The following PPARGC1A variants were observed in gnomAD, a reference collection of about 807,000 sequenced individuals.
The protein encoded by PPARGC1A is peroxisome proliferator-activated receptor gamma coactivator 1-alpha.
PPARGC1A carries 25 observed loss-of-function variants against 88.7 expected under a neutral mutation model. The ratio of observed to expected loss-of-function variants is 0.28; its 90% CI spans 0.21 to 0.39. PPARGC1A has a LOEUF of 0.39. Ranked by LOEUF, PPARGC1A falls within the 10% of genes least tolerant of loss-of-function variation. PPARGC1A has a pLI of 1.00. For synonymous variants in PPARGC1A, 363 were observed against 355.6 expected (o/e 1.02, Z -0.24); for missense variants, 880 against 968.7 (o/e 0.91, Z 1.22).
the PPARGC1A span, among the ~76,000 whole-genome samples, chr4:23,958,866 A>G: frequency 2.0e-5 from 3 of 152,138 alleles, no homozygotes; most frequent in Non-Finnish European, 4.4e-5. Flanking sequence ...ATAGAATACT[A>G]TTTGCCTTAG....
At chr4:24,222,575 C>T in the PPARGC1A span, among the ~76,000 whole-genome samples, 1 of 152,184 alleles carries the variant, frequency 6.6e-6, no homozygotes, top group Non-Finnish European at 1.5e-5. Context: ...CTTTCATATT[C>T]TATAAGCAGC....
chr4:24,069,559 A>G, the PPARGC1A span, among the ~76,000 whole-genome samples: 1 of 152,132 alleles, frequency 6.6e-6, no homozygotes, highest in South Asian at 2.1e-4. Flanking sequence ...TGATTTTTCC[A>G]ACAACACTGC....
At chr4:24,203,569 TAGAAAAAGAA>T in the PPARGC1A span, among the ~76,000 whole-genome samples, 6 of 151,296 alleles carry the variant, frequency 4.0e-5, no homozygotes, top group Non-Finnish European at 7.4e-5. Context: ...AGATGAGAGA[TAGAAAAAGAA>T]AGAGAAAATA....
chr4:24,212,633 T>C, the PPARGC1A span, among the ~76,000 whole-genome samples: 60 of 152,334 alleles, frequency 3.9e-4, no homozygotes, highest in Non-Finnish European at 6.6e-4. Flanking sequence ...CTTATGGTGA[T>C]AATTGGGCAA....
At chr4:24,465,778 T>C in the PPARGC1A span, among the ~76,000 whole-genome samples, 5 of 152,296 alleles carry the variant, frequency 3.3e-5, no homozygotes, top group African/African-American at 1.2e-4. Context: ...AGGCATTAGT[T>C]CATGATGGAC....
At chr4:23,924,078 G>A in the PPARGC1A span, among the ~76,000 whole-genome samples, 1 of 152,156 alleles carries the variant, frequency 6.6e-6, no homozygotes. Context: ...AATGATACCA[G>A]GCCATGCTGA....
intron 2 of PPARGC1A, among the ~76,000 whole-genome samples, chr4:23,849,818 T>G (rs1728965143): frequency 6.6e-6 from 1 of 151,904 alleles, no homozygotes; most frequent in Non-Finnish European, 1.5e-5. Context: ...TTTTTTTTTT[T>G]TTTTGGAGGG....
At chr4:24,180,450 C>T in the PPARGC1A span, among the ~76,000 whole-genome samples, 63 of 152,284 alleles carry the variant, frequency 4.1e-4, 1 homozygote, top group African/African-American at 9.4e-4. Flanking sequence ...ATTCCGGCTA[C>T]GCTCTGGGAA....
chr4:24,276,329 G>A, the PPARGC1A span, among the ~76,000 whole-genome samples: 5 of 152,188 alleles, frequency 3.3e-5, no homozygotes, highest in Admixed American at 1.3e-4. Flanking sequence ...AAGTCCACAT[G>A]CATCCAGGTG....
chr4:24,130,012 C>CG, the PPARGC1A span, among the ~76,000 whole-genome samples: 1 of 151,560 alleles, frequency 6.6e-6, no homozygotes, highest in South Asian at 2.1e-4. Flanking sequence ...GTGGGGGGAC[C>CG]GGGGAGGGAC....
At chr4:24,315,080 C>T in the PPARGC1A span, among the ~76,000 whole-genome samples, 1 of 151,634 alleles carries the variant, frequency 6.6e-6, no homozygotes, top group African/African-American at 2.4e-5. Flanking sequence ...GACCAAAAGC[C>T]TTTGGTCAGA....
chr4:23,901,950 C>T (rs1719448441), upstream of PPARGC1A, among the ~76,000 whole-genome samples: 1 of 152,058 alleles, frequency 6.6e-6, no homozygotes, highest in African/African-American at 2.4e-5. Flanking sequence ...AAGTCCAAAA[C>T]TATGCCAGCC....
the PPARGC1A span, among the ~76,000 whole-genome samples, chr4:23,994,467 G>A: frequency 6.6e-6 from 1 of 152,102 alleles, no homozygotes; most frequent in South Asian, 2.1e-4. Context: ...CTCTCCTGGT[G>A]GAAATAAACA....
chr4:23,844,764 A>AATAATATATGATATAATT (rs1727901052), intron 2 of PPARGC1A, among the ~76,000 whole-genome samples: 2 of 45,566 alleles, frequency 4.4e-5, no homozygotes, highest in African/African-American at 2.3e-4. Context: ...TATATATTAT[A>AATAATATATGATATAATT]ATAATATATG....
At chr4:23,864,187 T>TAAGG (rs1731737893) in intron 2 of PPARGC1A, among the ~76,000 whole-genome samples, 2 of 152,236 alleles carry the variant, frequency 1.3e-5, no homozygotes, top group South Asian at 4.1e-4. Context: ...CCTTAGTTTT[T>TAAGG]AAGGACACTG....
intron 3 of PPARGC1A, chr4:23,831,353 C>A: frequency 2.4e-6 from 1 of 410,284 alleles, no homozygotes. Context: ...GTAAAAAAAA[C>A]TGCAATAAGA....
chr4:24,168,219 AC>A, the PPARGC1A span, among the ~76,000 whole-genome samples: 63 of 152,294 alleles, frequency 4.1e-4, no homozygotes, highest in African/African-American at 1.5e-3. Flanking sequence ...GTGGTCTGAG[AC>A]CGAATCTGCA....
At chr4:23,925,696 T>C in the PPARGC1A span, among the ~76,000 whole-genome samples, 7 of 152,270 alleles carry the variant, frequency 4.6e-5, no homozygotes, top group East Asian at 9.7e-4. Context: ...CTAGTTTTCA[T>C]TGGAAGGGGT....
At chr4:24,118,608 C>T in the PPARGC1A span, among the ~76,000 whole-genome samples, 1 of 152,142 alleles carries the variant, frequency 6.6e-6, no homozygotes, top group Non-Finnish European at 1.5e-5. Flanking sequence ...TCTAGAACCA[C>T]AATGGTTCTT....
Sources: allele counts gnomAD v4.1 joint callset (sites outside exome capture counted in the v4.1 genomes callset), GRCh38; gene constraint gnomAD v4.1.1; transcripts MANE v1.5; gene names NCBI Gene and HGNC (gene_info 2026-07-23, HGNC 2026-07-21).